The following KLRG1 variants were observed in gnomAD, a reference collection of about 807,000 sequenced individuals.
KLRG1 encodes the protein killer cell lectin like receptor G1.
KLRG1 carries 16 observed loss-of-function variants against 21.8 expected under a neutral mutation model. The ratio of observed to expected loss-of-function variants is 0.73; its 90% CI spans 0.50 to 1.11. KLRG1 has a LOEUF of 1.11. Ranked by LOEUF, KLRG1 falls within the 50% of genes most tolerant of loss-of-function variation. The pLI is 0.00. For synonymous variants in KLRG1, 69 were observed against 75.9 expected (o/e 0.91, Z 0.47); for missense variants, 173 against 218.3 (o/e 0.79, Z 1.31).
chr12:9,181,787 G>A, the KLRG1 span, among the ~76,000 whole-genome samples: 1 of 152,032 alleles, frequency 6.6e-6, no homozygotes, highest in African/African-American at 2.4e-5. Context: ...ATTTTATTTG[G>A]TAGCAGCTTT....
Position 9,009,432 on chromosome 12 carries a change from T to C in KLRG1, c.465T>C (p.Ser155=). The C allele has an allele frequency of 6.2e-7, 1 of 1,613,872 alleles. No homozygotes were observed. Among genetic ancestry groups the C allele is most frequent in the East Asian group, 2.2e-5 (1 of 44,824 alleles). Residue 155 remains serine (S), a synonymous_variant, in exon 5 of 5, where the codon TCT becomes TCC. Transcript: ENST00000356986. ...CTTTTCTGATTTCTTACAGGATTTCTTCTAATAGCTTTGTGCAGACATGCG... is the reference window on the plus strand; with the variant it reads ...CTTTTCTGATTTCTTACAGGATTTCCTCTAATAGCTTTGTGCAGACATGCG... ...DGSPLNFSRI[S]SNSFVQTCGA...
At chr12:9,106,638 A>G in the KLRG1 span, 1 of 1,159,562 alleles carries the variant, frequency 8.6e-7, no homozygotes, top group Non-Finnish European at 1.3e-6. Context: ...ACAAAAATAT[A>G]ATGCATATTA....
the KLRG1 span, among the ~76,000 whole-genome samples, chr12:9,211,269 C>A: frequency 6.6e-6 from 1 of 151,992 alleles, no homozygotes; most frequent in Admixed American, 6.6e-5. Flanking sequence ...TCCATAGGTC[C>A]CTTATACTTT....
the KLRG1 span, among the ~76,000 whole-genome samples, chr12:9,109,621 C>G: frequency 5.9e-5 from 9 of 152,248 alleles, no homozygotes; most frequent in Admixed American, 2.6e-4. Flanking sequence ...ATGGAAAACT[C>G]CATTAAAACA....
At chr12:8,999,220 G>C (rs1316653495) in intron 3 of KLRG1, among the ~76,000 whole-genome samples, 1 of 151,888 alleles carries the variant, frequency 6.6e-6, no homozygotes, top group Non-Finnish European at 1.5e-5. Flanking sequence ...GATTTTTCTT[G>C]CCATTTTTCC....
At chr12:9,062,062 T>C in the KLRG1 span, among the ~76,000 whole-genome samples, 1 of 150,856 alleles carries the variant, frequency 6.6e-6, no homozygotes, top group African/African-American at 2.4e-5. Flanking sequence ...ACACAATAGA[T>C]ATGTAATATA....
intron 1 of KLRG1, among the ~76,000 whole-genome samples, chr12:8,968,844 C>A (rs931826158): frequency 1.4e-4 from 22 of 152,100 alleles, no homozygotes; most frequent in African/African-American, 3.9e-4. Flanking sequence ...AACAGTTTTT[C>A]TATAACCCAT....
the KLRG1 span, chr12:9,148,981 T>G: frequency 6.2e-7 from 1 of 1,611,352 alleles, no homozygotes; most frequent in South Asian, 1.1e-5. Context: ...CTCAAACATT[T>G]CCATGCTCTG....
intron 1 of KLRG1, among the ~76,000 whole-genome samples, chr12:8,973,167 A>AG (rs1234315471): frequency 1.6e-5 from 1 of 63,638 alleles, no homozygotes; most frequent in Non-Finnish European, 4.6e-5. Flanking sequence ...TCAAAAGAAA[A>AG]AAAAAAAAAA....
chr12:9,125,060 T>A, the KLRG1 span, among the ~76,000 whole-genome samples: 1 of 152,186 alleles, frequency 6.6e-6, no homozygotes, highest in Non-Finnish European at 1.5e-5. Context: ...CAGGAGACGA[T>A]GGGACAACCA....
the KLRG1 span, chr12:9,161,085 C>T: frequency 2.5e-6 from 4 of 1,601,826 alleles, no homozygotes; most frequent in South Asian, 1.1e-5. Flanking sequence ...TTGATGGGAG[C>T]TTCAAGGACA....
chr12:9,003,799 C>CG (rs1947378549), intron 3 of KLRG1, among the ~76,000 whole-genome samples: 1 of 151,898 alleles, frequency 6.6e-6, no homozygotes, highest in Non-Finnish European at 1.5e-5. Flanking sequence ...GCGTGCTGCA[C>CG]CCATTAACTC....
the KLRG1 span, among the ~76,000 whole-genome samples, chr12:9,063,767 GGTGA>G: frequency 6.6e-6 from 1 of 152,024 alleles, no homozygotes; most frequent in Non-Finnish European, 1.5e-5. Context: ...TTTACTCTGC[GGTGA>G]GTTTTTCTAA....
the KLRG1 span, among the ~76,000 whole-genome samples, chr12:9,137,802 T>A: frequency 1.3e-5 from 2 of 152,126 alleles, no homozygotes; most frequent in Admixed American, 1.3e-4. Context: ...ATTGTTGTCT[T>A]AATTTCCTTT....
the KLRG1 span, chr12:9,208,274 G>A: frequency 6.2e-7 from 1 of 1,613,360 alleles, no homozygotes; most frequent in Non-Finnish European, 8.5e-7. Context: ...TGTAGAGTTT[G>A]AGTCACTGGC....
the KLRG1 span, among the ~76,000 whole-genome samples, chr12:9,143,438 G>C: frequency 1.3e-5 from 2 of 152,090 alleles, no homozygotes; most frequent in East Asian, 1.9e-4. Flanking sequence ...TGAGGATAGA[G>C]AGGGCATTCA....
At chr12:9,086,130 T>C in the KLRG1 span, among the ~76,000 whole-genome samples, 1 of 152,162 alleles carries the variant, frequency 6.6e-6, no homozygotes. Context: ...AGGAATACTT[T>C]CAAGCTCATT....
At chr12:9,139,051 A>T in the KLRG1 span, among the ~76,000 whole-genome samples, 63 of 151,972 alleles carry the variant, frequency 4.1e-4, no homozygotes, top group African/African-American at 1.4e-3. Flanking sequence ...TTCTTTGTTA[A>T]TGTAGGTATT....
At chr12:9,042,697 C>G in the KLRG1 span, among the ~76,000 whole-genome samples, 1 of 152,106 alleles carries the variant, frequency 6.6e-6, no homozygotes, top group Non-Finnish European at 1.5e-5. Context: ...TAAAAGAATT[C>G]TGCTGCCTTG....
Sources: gnomAD v4.1 joint callset for allele counts (sites outside exome capture counted in the v4.1 genomes callset) on GRCh38, gnomAD v4.1.1 for gene constraint, MANE v1.5 for transcripts, NCBI Gene and HGNC (gene_info 2026-07-23, HGNC 2026-07-21) for gene names.